The following RTF2 variants were observed in gnomAD, a reference collection of about 807,000 sequenced individuals.
RTF2 encodes the protein replication termination factor 2.
A neutral mutation model predicts 38.0 loss-of-function variants in RTF2; 18 were observed. The observed-to-expected ratio is 0.47, with a 90% CI of 0.33 to 0.70. RTF2 has a LOEUF of 0.70. Among genes scored for constraint, RTF2 ranks in the 30% least tolerant of loss-of-function variants. RTF2 has a pLI of 0.02. For missense variants in RTF2, 311 were observed against 379.6 expected (o/e 0.82, Z 1.50); for synonymous variants, 126 against 137.1 (o/e 0.92, Z 0.57).
intron 5 of RTF2, among the ~76,000 whole-genome samples, chr20:56,502,470 A>T (rs956990118): frequency 1.3e-5 from 2 of 152,202 alleles, no homozygotes; most frequent in African/African-American, 2.4e-5. Context: ...CCTCCAGAAC[A>T]GTTCGTTGAA....
intron 5 of RTF2, among the ~76,000 whole-genome samples, chr20:56,509,823 A>G (rs1037311721): frequency 1.3e-5 from 2 of 152,180 alleles, no homozygotes; most frequent in African/African-American, 4.8e-5. Flanking sequence ...AAATGAAAAC[A>G]ACTGTCCACA....
chr20:56,494,504 G>C (rs747305082), intron 5 of RTF2, among the ~76,000 whole-genome samples: 2 of 152,162 alleles, frequency 1.3e-5, no homozygotes, highest in Non-Finnish European at 2.9e-5. Flanking sequence ...TAATGACAGG[G>C]AGCCCCTGCT....
intron 6 of RTF2, 31 bp from the exon 7 acceptor site, chr20:56,516,904 A>G: frequency 1.2e-6 from 2 of 1,609,500 alleles, no homozygotes; most frequent in East Asian, 2.2e-5. Flanking sequence ...GAATCTGAGC[A>G]CAGCCTCCAA....
chr20:56,505,954 G>A (rs889753665), intron 5 of RTF2, among the ~76,000 whole-genome samples: 1 of 152,030 alleles, frequency 6.6e-6, no homozygotes, highest in African/African-American at 2.4e-5. Flanking sequence ...CTTAATCCAA[G>A]CCAAAAAGGA....
chr20:56,506,123 C>G (rs1360898897), intron 5 of RTF2, among the ~76,000 whole-genome samples: 2 of 152,192 alleles, frequency 1.3e-5, no homozygotes, highest in Non-Finnish European at 2.9e-5. Flanking sequence ...TGAAATATTT[C>G]CTTAGGCTCT....
intron 5 of RTF2, among the ~76,000 whole-genome samples, chr20:56,502,937 G>A (rs1274555751): frequency 1.3e-5 from 2 of 152,184 alleles, no homozygotes; most frequent in Non-Finnish European, 2.9e-5. Context: ...CCATTTTCTT[G>A]ACTGCGGATG....
chr20:56,471,271 GA>G, intron 1 of RTF2, among the ~76,000 whole-genome samples: 1 of 152,242 alleles, frequency 6.6e-6, no homozygotes, highest in African/African-American at 2.4e-5. Context: ...TGAAAGTATA[GA>G]AAAAACACTT....
At chr20:56,509,613 A>G (rs1984509756) in intron 5 of RTF2, among the ~76,000 whole-genome samples, 1 of 148,496 alleles carries the variant, frequency 6.7e-6, no homozygotes, top group African/African-American at 2.4e-5. Context: ...TCCCATCTCA[A>G]AAAAAAAAAA....
chr20:56,490,102 A>T (rs1018141031), intron 5 of RTF2, among the ~76,000 whole-genome samples: 1 of 152,148 alleles, frequency 6.6e-6, no homozygotes, highest in Non-Finnish European at 1.5e-5. Context: ...GATTTGTGGG[A>T]TCTGTCTTCC....
intron 4 of RTF2, among the ~76,000 whole-genome samples, chr20:56,477,630 G>C (rs189777837): frequency 6.6e-6 from 1 of 151,674 alleles, no homozygotes; most frequent in African/African-American, 2.4e-5. Context: ...CGATCCTCCT[G>C]CCTCAGCATC....
intron 8 of RTF2, among the ~76,000 whole-genome samples, chr20:56,517,407 T>C (rs1245159455): frequency 6.6e-6 from 1 of 151,842 alleles, no homozygotes; most frequent in Non-Finnish European, 1.5e-5. Flanking sequence ...AGTGATGGGG[T>C]CTGGGCACAA....
At position 56,473,341 on chromosome 20, in the gene RTF2, G is replaced by A; in HGVS notation, c.110G>A (p.Cys37Tyr). ...DAELVAQWNY[C>Y]TLSQEILRRP... ...GAATTAGTGGCCCAATGGAACTATTGTACTCTAAGTCAGGAAATATTAAGA... is the reference window on the plus strand; with the variant it reads ...GAATTAGTGGCCCAATGGAACTATTATACTCTAAGTCAGGAAATATTAAGA... The change falls in exon 2 of 9, where the codon TGT becomes TAT. Residue 37 changes from cysteine (C) to tyrosine (Y), a missense_variant. By Grantham distance (194) the Cys-to-Tyr change is radical. Transcript: ENST00000357348. 6.2e-7 allele frequency: 1 copy of A among 1,613,888 alleles called. No individual in the cohort carries two copies. Among genetic ancestry groups the A allele is most frequent in the Non-Finnish European group, 8.5e-7 (1 of 1,179,846 alleles).
At chr20:56,479,176 T>G (rs977755627) in intron 4 of RTF2, among the ~76,000 whole-genome samples, 3 of 152,174 alleles carry the variant, frequency 2.0e-5, no homozygotes, top group Admixed American at 6.6e-5. Context: ...CCTATTAATG[T>G]TGATATTCTG....
chr20:56,492,442 A>G (rs1983216307), intron 5 of RTF2, among the ~76,000 whole-genome samples: 1 of 144,626 alleles, frequency 6.9e-6, no homozygotes, highest in Non-Finnish European at 1.5e-5. Context: ...ATTACAGGCC[A>G]GGCACGGTGG....
intron 5 of RTF2, among the ~76,000 whole-genome samples, chr20:56,496,375 C>CT (rs1888346718): frequency 6.6e-6 from 1 of 152,164 alleles, no homozygotes; most frequent in African/African-American, 2.4e-5. Context: ...TAGACAAACA[C>CT]TGTCTCTACT....
intron 5 of RTF2, among the ~76,000 whole-genome samples, chr20:56,500,755 C>A (rs530393156): frequency 6.6e-6 from 1 of 152,224 alleles, no homozygotes; most frequent in Non-Finnish European, 1.5e-5. Context: ...AACCAAGGTC[C>A]CCAGCAGTTT....
chr20:56,476,453 T>C (rs1053228341), intron 3 of RTF2, among the ~76,000 whole-genome samples: 2 of 152,146 alleles, frequency 1.3e-5, no homozygotes, highest in Middle Eastern at 3.4e-3. Flanking sequence ...TAGAAATAAC[T>C]GATTTACTTG....
At chr20:56,476,254 T>A (rs985976619) in intron 3 of RTF2, among the ~76,000 whole-genome samples, 3 of 152,142 alleles carry the variant, frequency 2.0e-5, no homozygotes, top group South Asian at 2.1e-4. Flanking sequence ...ATATATATAT[T>A]TTTTTGTTTT....
rs751317247 is a variant in RTF2, at chr20:56,477,074, G to A, written c.348G>A (p.Arg116=). The A allele has an allele frequency of 3.1e-6, 5 of 1,613,904 alleles. No individual in the cohort carries two copies. Among genetic ancestry groups the A allele is most frequent in the South Asian group, 1.1e-5 (1 of 91,072 alleles). ...TKGDKHDDLQ[R]ARFICPVVGL... ...GTGACAAGCACGATGACCTCCAGCG[G>A]GCGCGTTTCATCTGCCCCGTTGTGG... Residue 116 remains arginine, a synonymous_variant, in exon 4 of 9, where the codon CGG becomes CGA. Coordinates refer to ENST00000357348, the MANE Select transcript of RTF2 (RefSeq NM_016407.5).
Sources: gnomAD v4.1 joint callset for allele counts (sites outside exome capture counted in the v4.1 genomes callset) on GRCh38, gnomAD v4.1.1 for gene constraint, MANE v1.5 for transcripts, NCBI Gene and HGNC (gene_info 2026-07-23, HGNC 2026-07-21) for gene names.